Variants in CWF19L2 observed in about 807,000 individuals in gnomAD.
CWF19L2 encodes the protein CWF19 like cell cycle control factor 2.
Under a neutral mutation model 111.7 loss-of-function variants are expected in CWF19L2, and 98 were observed. The observed-to-expected ratio is 0.88, with a 90% CI of 0.75 to 1.04. The LOEUF is 1.04. Among genes scored for constraint, CWF19L2 ranks in the 50% least tolerant of loss-of-function variants. The pLI, the probability that CWF19L2 is intolerant of heterozygous loss-of-function variation, is 0.00. For missense variants in CWF19L2, 1,101 were observed against 1,051.4 expected, an observed-to-expected ratio of 1.05 and a Z score of -0.65; for synonymous variants, 351 against 342.9, an observed-to-expected ratio of 1.02 and a Z score of -0.26.
intron 10 of CWF19L2, among the ~76,000 whole-genome samples, chr11:107,405,498 T>A (rs1861063871): frequency 6.6e-6 from 1 of 152,166 alleles, no homozygotes. Flanking sequence ...CAGGACCTGG[T>A]ACTCTTATTT....
intron 12 of CWF19L2, among the ~76,000 whole-genome samples, chr11:107,364,550 G>A (rs1860408505): frequency 7.0e-6 from 1 of 143,032 alleles, no homozygotes; most frequent in South Asian, 2.2e-4. Flanking sequence ...CATGGAAACT[G>A]AACAACCTGC....
At chr11:107,415,654 G>A (rs992516515) in intron 10 of CWF19L2, among the ~76,000 whole-genome samples, 1 of 152,164 alleles carries the variant, frequency 6.6e-6, no homozygotes, top group Non-Finnish European at 1.5e-5. Context: ...CAGAATAAAA[G>A]CAAGACTCCT....
At chr11:107,454,794 A>G (rs1036512288) in intron 2 of CWF19L2, among the ~76,000 whole-genome samples, 1 of 152,232 alleles carries the variant, frequency 6.6e-6, no homozygotes, top group Non-Finnish European at 1.5e-5. Flanking sequence ...ACTTCTTACC[A>G]GAAAAATACT....
chr11:107,426,187 A>C (rs1964190), intron 8 of CWF19L2, among the ~76,000 whole-genome samples: 15,949 of 151,766 alleles, frequency 0.11, 1,513 homozygotes, highest in African/African-American at 0.24. Context: ...CAATAGCTCA[A>C]AAAAAGGGCA....
chr11:107,337,000 A>C (rs1030084890), intron 14 of CWF19L2, among the ~76,000 whole-genome samples: 1 of 152,204 alleles, frequency 6.6e-6, no homozygotes, highest in Non-Finnish European at 1.5e-5. Flanking sequence ...AGAAGTGATA[A>C]AAATCAAATT....
chr11:107,439,655 C>A (rs543156698), intron 5 of CWF19L2, among the ~76,000 whole-genome samples: 2 of 152,142 alleles, frequency 1.3e-5, no homozygotes, highest in South Asian at 4.2e-4. Flanking sequence ...TAAAGATGTT[C>A]CAGGTAGAAA....
chr11:107,416,481 A>T (rs1378137872), intron 9 of CWF19L2, among the ~76,000 whole-genome samples, 183 bp from the exon 10 acceptor site: 5 of 152,256 alleles, frequency 3.3e-5, no homozygotes, highest in Non-Finnish European at 7.3e-5. Flanking sequence ...CTCAGTTACA[A>T]ACTTCTTGAA....
intron 12 of CWF19L2, among the ~76,000 whole-genome samples, chr11:107,370,231 C>CT (rs1321031600): frequency 7.3e-6 from 1 of 137,362 alleles, no homozygotes; most frequent in Non-Finnish European, 1.6e-5. Context: ...TCATGTACCA[C>CT]TGCAATACTA....
chr11:107,355,427 A>G (rs1454854254), intron 12 of CWF19L2, among the ~76,000 whole-genome samples: 2 of 129,148 alleles, frequency 1.5e-5, no homozygotes, highest in Non-Finnish European at 3.3e-5. Flanking sequence ...AAAAAAAAAA[A>G]AACAAACAAA....
intron 12 of CWF19L2, among the ~76,000 whole-genome samples, chr11:107,379,383 A>C (rs865811447): frequency 1.6e-4 from 24 of 152,228 alleles, no homozygotes; most frequent in African/African-American, 5.5e-4. Flanking sequence ...GATGCTACTA[A>C]ATCTTCTATG....
intron 7 of CWF19L2, among the ~76,000 whole-genome samples, chr11:107,433,328 A>G (rs1861491061): frequency 6.6e-6 from 1 of 152,174 alleles, no homozygotes; most frequent in East Asian, 1.9e-4. Flanking sequence ...AAAAATTTCA[A>G]CAGTGGTTAC....
intron 12 of CWF19L2, among the ~76,000 whole-genome samples, chr11:107,362,787 C>T (rs1161102404): frequency 6.6e-6 from 1 of 151,776 alleles, no homozygotes; most frequent in Non-Finnish European, 1.5e-5. Flanking sequence ...CAAAGGAACG[C>T]AGTTCCTCAC....
chr11:107,442,226 T>C (rs1861627572), intron 4 of CWF19L2, among the ~76,000 whole-genome samples: 1 of 152,158 alleles, frequency 6.6e-6, no homozygotes, highest in African/African-American at 2.4e-5. Context: ...TTTCTCACAG[T>C]AGAAGGGGAA....
At chr11:107,383,587 T>C (rs1025542464) in intron 12 of CWF19L2, among the ~76,000 whole-genome samples, 1 of 152,166 alleles carries the variant, frequency 6.6e-6, no homozygotes, top group East Asian at 1.9e-4. Flanking sequence ...AATTCCCCTA[T>C]ACAAACACAA....
At chr11:107,451,558 G>A (rs1387823066) in intron 3 of CWF19L2, among the ~76,000 whole-genome samples, 1 of 151,894 alleles carries the variant, frequency 6.6e-6, no homozygotes, top group Non-Finnish European at 1.5e-5. Context: ...GACTGACAGA[G>A]GAAACAAACA....
At position 107,353,726 on chromosome 11, in the gene CWF19L2, TTTCCCATAAAC is replaced by T. The variant is rs1413998202; in HGVS notation, c.1873-1_1882del. 1.2e-6 allele frequency: 2 copies of T among 1,613,688 alleles called. No homozygotes were observed. Among genetic ancestry groups the T allele is most frequent in the Non-Finnish European group, 1.7e-6 (2 of 1,179,710 alleles). On this transcript the variant is annotated splice_acceptor_variant and coding_sequence_variant, in exon 13 of 18. Coordinates refer to ENST00000282251, the MANE Select transcript of CWF19L2 (RefSeq NM_152434.3). LOFTEE classifies it high-confidence loss of function. ...CAGGGTGTAATAGTCTCCATCTGTT[TTTCCCATAAAC>T]TGAAAAACCAAAATAACAGTAATAG... is the stretch of plus-strand genomic sequence containing the variant.
intron 10 of CWF19L2, chr11:107,404,549 G>A (rs900390914): frequency 3.0e-6 from 2 of 673,732 alleles, no homozygotes; most frequent in African/African-American, 1.8e-5. Context: ...TGTTGCAGGA[G>A]CTGGGGTGGG....
intron 6 of CWF19L2, among the ~76,000 whole-genome samples, chr11:107,437,153 A>C (rs1407702968): frequency 3.5e-5 from 5 of 144,648 alleles, no homozygotes; most frequent in Non-Finnish European, 7.9e-5. Context: ...AGTATCTGAC[A>C]TTACCATCAT....
intron 12 of CWF19L2, among the ~76,000 whole-genome samples, chr11:107,355,214 G>C (rs1258543862): frequency 1.3e-5 from 2 of 152,072 alleles, no homozygotes; most frequent in African/African-American, 4.8e-5. Flanking sequence ...CCAGGAGTTT[G>C]AGACCAGCCT....
Sources: allele counts gnomAD v4.1 joint callset (sites outside exome capture counted in the v4.1 genomes callset), GRCh38; gene constraint gnomAD v4.1.1; transcripts MANE v1.5; gene names NCBI Gene and HGNC (gene_info 2026-07-23, HGNC 2026-07-21).